CLSTN1: variants seen among roughly 807,000 people sequenced by gnomAD.
CLSTN1 encodes the protein calsyntenin 1.
In CLSTN1, 28 loss-of-function variants were observed where a neutral mutation model predicts 108.3. The observed-to-expected ratio is 0.26, with a 90% CI of 0.19 to 0.35. CLSTN1 has a LOEUF of 0.35. Ranked by LOEUF, CLSTN1 falls within the 10% of genes least tolerant of loss-of-function variation. CLSTN1 has a pLI of 1.00. For synonymous variants in CLSTN1, 524 were observed against 534.9 expected (o/e 0.98, Z 0.28); for missense variants, 1,157 against 1,302.6 (o/e 0.89, Z 1.72).
chr1:9,791,149 A>AC (rs1295188202), intron 1 of CLSTN1, among the ~76,000 whole-genome samples: 1 of 150,848 alleles, frequency 6.6e-6, no homozygotes, highest in East Asian at 2.0e-4. Flanking sequence ...CTCAAAAAAA[A>AC]AAAAAAAAAA....
intron 1 of CLSTN1, among the ~76,000 whole-genome samples, chr1:9,819,867 C>T (rs1327880792): frequency 6.6e-6 from 1 of 151,956 alleles, no homozygotes. Context: ...TCTGAAAAAA[C>T]GAGGTAACAA....
intron 2 of CLSTN1, among the ~76,000 whole-genome samples, chr1:9,772,835 A>C (rs1341131860): frequency 6.6e-6 from 1 of 152,146 alleles, no homozygotes; most frequent in Non-Finnish European, 1.5e-5. Flanking sequence ...AATCTAGGTA[A>C]TGCAAGGAAC....
intron 1 of CLSTN1, among the ~76,000 whole-genome samples, chr1:9,786,205 A>G (rs1557714510): frequency 1.3e-5 from 2 of 152,116 alleles, no homozygotes; most frequent in African/African-American, 4.8e-5. Context: ...CAAAAAACAC[A>G]CACATTAAGT....
chr1:9,797,862 G>A (rs1654079074), intron 1 of CLSTN1, among the ~76,000 whole-genome samples: 1 of 151,876 alleles, frequency 6.6e-6, no homozygotes, highest in Admixed American at 6.6e-5. Flanking sequence ...TACTGTATGA[G>A]GCGGGCAGAT....
intron 4 of CLSTN1, among the ~76,000 whole-genome samples, chr1:9,754,483 C>T (rs1023583456): frequency 1.3e-5 from 2 of 152,044 alleles, no homozygotes; most frequent in Admixed American, 6.6e-5. Context: ...CACTTGAAAC[C>T]GGAAGGCGGA....
At chr1:9,797,417 T>A (rs1654059609) in intron 1 of CLSTN1, among the ~76,000 whole-genome samples, 1 of 152,176 alleles carries the variant, frequency 6.6e-6, no homozygotes, top group South Asian at 2.1e-4. Context: ...GGACAATCAC[T>A]TAAGCCAGTA....
chr1:9,770,080 A>G (rs975797484), intron 2 of CLSTN1, among the ~76,000 whole-genome samples: 1 of 152,184 alleles, frequency 6.6e-6, no homozygotes, highest in South Asian at 2.1e-4. Context: ...ATCTCCAAAA[A>G]AGAAAAAAGA....
At chr1:9,760,684 GTTT>G (rs762619559) in intron 2 of CLSTN1, among the ~76,000 whole-genome samples, 4 of 102,396 alleles carry the variant, frequency 3.9e-5, no homozygotes, top group Non-Finnish European at 5.7e-5. Context: ...CCATTCCCGG[GTTT>G]TTTTTTTTTT....
At chr1:9,813,052 C>T (rs905717080) in intron 1 of CLSTN1, among the ~76,000 whole-genome samples, 1 of 151,910 alleles carries the variant, frequency 6.6e-6, no homozygotes, top group Non-Finnish European at 1.5e-5. Context: ...GTAATCCCAG[C>T]TACTCAGGAG....
At chr1:9,736,841 A>G (rs531807172) in intron 11 of CLSTN1, among the ~76,000 whole-genome samples, 1 of 152,168 alleles carries the variant, frequency 6.6e-6, no homozygotes, top group Non-Finnish European at 1.5e-5. Context: ...CAGGAGGCCG[A>G]GGCGGGTGGA....
chr1:9,776,567 T>G (rs2101172040), intron 1 of CLSTN1, among the ~76,000 whole-genome samples: 1 of 152,172 alleles, frequency 6.6e-6, no homozygotes, highest in African/African-American at 2.4e-5. Context: ...ACACAGCCAT[T>G]TCTTACCTCC....
chr1:9,794,865 A>G (rs995957846), intron 1 of CLSTN1, among the ~76,000 whole-genome samples: 2 of 151,332 alleles, frequency 1.3e-5, no homozygotes, highest in Non-Finnish European at 2.9e-5. Flanking sequence ...ACCTTCACAT[A>G]CAATGGAAAA....
chr1:9,781,363 G>T (rs887752906), intron 1 of CLSTN1: 3 of 475,778 alleles, frequency 6.3e-6, no homozygotes, highest in Non-Finnish European at 1.1e-5. Flanking sequence ...CTTTTTAAAA[G>T]AATTATAAAA....
In CLSTN1 at chr1:9,731,785, G is replaced by C; in HGVS notation, c.2539C>G (p.Leu847Val). 1 of 1,614,234 alleles carries C rather than the reference G, an allele frequency of 6.2e-7. No individual in the cohort carries two copies. Among genetic ancestry groups the C allele is most frequent in the Non-Finnish European group, 8.5e-7 (1 of 1,180,036 alleles). Residue 847 changes from leucine (L) to valine (V), a missense_variant, in exon 17 of 19, where the codon CTG (leucine) becomes GTG (valine). By Grantham distance (32) the Leu-to-Val change is conservative. Coordinates refer to ENST00000377298, the MANE Select transcript of CLSTN1 (RefSeq NM_001009566.3). ...CCTGCGAACGGGTGGGGGTTGGCCA[G>C]GTTGTGGCCTGACAGGTCAACAAAG... ...RSFVDLSGHNLANPHPFAVVP... is the reference protein window; with the variant it reads ...RSFVDLSGHNVANPHPFAVVP...
intron 1 of CLSTN1, among the ~76,000 whole-genome samples, chr1:9,807,011 T>TG (rs200727734): frequency 1.2e-3 from 180 of 148,000 alleles, no homozygotes; most frequent in Middle Eastern, 3.4e-3. Flanking sequence ...AGTAAGGGCG[T>TG]GGGGGGGGGT....
chr1:9,805,082 A>G (rs1167541287), intron 1 of CLSTN1, among the ~76,000 whole-genome samples: 1 of 151,932 alleles, frequency 6.6e-6, no homozygotes, highest in Non-Finnish European at 1.5e-5. Flanking sequence ...ATCGCGCCAT[A>G]GTACTCCAGC....
At chr1:9,771,472 G>C (rs1438960111) in intron 2 of CLSTN1, among the ~76,000 whole-genome samples, 1 of 152,112 alleles carries the variant, frequency 6.6e-6, no homozygotes, top group Non-Finnish European at 1.5e-5. Flanking sequence ...AAATTAGCTG[G>C]GCGTGGTGGC....
intron 1 of CLSTN1, among the ~76,000 whole-genome samples, chr1:9,791,141 C>CAAAAAAAAAAAAAAAAAA (rs139466878): frequency 1.4e-5 from 1 of 74,048 alleles, no homozygotes. Context: ...GACTCTATCT[C>CAAAAAAAAAAAAAAAAAA]AAAAAAAAAA....
chr1:9,764,102 AAGAAAGAG>A (rs774986937), intron 2 of CLSTN1, among the ~76,000 whole-genome samples: 14 of 148,222 alleles, frequency 9.4e-5, no homozygotes, highest in African/African-American at 2.1e-4. Flanking sequence ...GTGAGGGAGA[AAGAAAGAG>A]AGAGAGAGAG....
Sources: allele counts gnomAD v4.1 joint callset (sites outside exome capture counted in the v4.1 genomes callset), GRCh38; gene constraint gnomAD v4.1.1; transcripts MANE v1.5; gene names NCBI Gene and HGNC (gene_info 2026-07-23, HGNC 2026-07-21).